Variants in IMPG1 observed in about 807,000 individuals in gnomAD.
IMPG1 encodes the protein interphotoreceptor matrix proteoglycan of 150 kDa.
IMPG1 carries 85 observed loss-of-function variants against 92.0 expected under a neutral mutation model. That is an observed-to-expected ratio of 0.92 (90% CI 0.78 to 1.11). The LOEUF (loss-of-function observed/expected upper bound fraction) is 1.11. Among genes scored for constraint, IMPG1 ranks in the 50% least tolerant of loss-of-function variants. The pLI is 0.00. For synonymous variants in IMPG1, 367 were observed against 334.1 expected, an observed-to-expected ratio of 1.10 and a Z score of -1.08; for missense variants, 1,022 against 956.0, an observed-to-expected ratio of 1.07 and a Z score of -0.91.
intron 9 of IMPG1, among the ~76,000 whole-genome samples, chr6:76,006,784 C>T (rs1783106631): frequency 6.6e-6 from 1 of 152,028 alleles, no homozygotes; most frequent in Non-Finnish European, 1.5e-5. Context: ...TTCATTAACT[C>T]AAAGCTTTTT....
intron 6 of IMPG1, among the ~76,000 whole-genome samples, chr6:76,019,250 G>A: frequency 6.6e-6 from 1 of 152,142 alleles, no homozygotes; most frequent in Middle Eastern, 3.2e-3. Context: ...ACCAGCAGGG[G>A]TTTCTCATTG....
intron 15 of IMPG1, among the ~76,000 whole-genome samples, chr6:75,930,740 C>A (rs1781651494): frequency 6.6e-6 from 1 of 152,188 alleles, no homozygotes; most frequent in African/African-American, 2.4e-5. Context: ...ATCAGCCCTA[C>A]CTGAGCCCCA....
chr6:75,934,131 A>T lies in IMPG1; in HGVS notation c.2045-2980T>A, dbSNP rs546169356. On this transcript the variant is annotated intron_variant, in intron 14 of 16. Transcript: ENST00000369950. ...TCTTCATTGCCATCCTCACTGGCAG[A>T]CATATCAGACTTCCATGAATGCTTT... is the stretch of plus-strand genomic sequence containing the variant. Among the ~76,000 whole-genome samples, 7 of 152,348 alleles carry T rather than the reference A, an allele frequency of 4.6e-5. No individual in the cohort carries two copies. The East Asian group carries it at 1.2e-3, about 25-fold the overall frequency.
At chr6:76,040,087 C>T (rs893022627) in intron 2 of IMPG1, among the ~76,000 whole-genome samples, 1 of 152,106 alleles carries the variant, frequency 6.6e-6, no homozygotes, top group Middle Eastern at 3.4e-3. Flanking sequence ...CCAATTTGTT[C>T]GACTTAAGAA....
At chr6:76,011,628 A>C (rs949471904) in intron 7 of IMPG1, among the ~76,000 whole-genome samples, 1 of 151,708 alleles carries the variant, frequency 6.6e-6, no homozygotes, top group East Asian at 1.9e-4. Flanking sequence ...GTACATGTGC[A>C]CATTGTGCAG....
At chr6:76,040,517 C>T (rs1783816985) in intron 2 of IMPG1, among the ~76,000 whole-genome samples, 1 of 152,074 alleles carries the variant, frequency 6.6e-6, no homozygotes, top group African/African-American at 2.4e-5. Flanking sequence ...CTCTATTTTC[C>T]CAATGGGCTC....
chr6:76,070,493 A>G (rs79656288), intron 1 of IMPG1, among the ~76,000 whole-genome samples: 1 of 152,202 alleles, frequency 6.6e-6, no homozygotes, highest in Non-Finnish European at 1.5e-5. Context: ...ATAAATCATT[A>G]TATCAGAAAG....
At chr6:75,975,479 A>T (rs1017668943) in intron 12 of IMPG1, among the ~76,000 whole-genome samples, 5 of 152,194 alleles carry the variant, frequency 3.3e-5, no homozygotes, top group African/African-American at 1.2e-4. Flanking sequence ...TTTGGCAGTT[A>T]TCTAATTTTA....
intron 12 of IMPG1, among the ~76,000 whole-genome samples, chr6:75,982,299 T>C (rs907588815): frequency 6.6e-6 from 1 of 152,004 alleles, no homozygotes; most frequent in African/African-American, 2.4e-5. Context: ...GTATTCCACT[T>C]TGGGAGGCCA....
intron 12 of IMPG1, among the ~76,000 whole-genome samples, chr6:75,963,319 A>G (rs187346925): frequency 1.3e-5 from 2 of 152,332 alleles, no homozygotes; most frequent in African/African-American, 2.4e-5. Context: ...ATGTCAGACA[A>G]AACAGCTGAG....
chr6:75,952,843 G>C (rs946291310), intron 12 of IMPG1, among the ~76,000 whole-genome samples: 1 of 152,180 alleles, frequency 6.6e-6, no homozygotes, highest in Non-Finnish European at 1.5e-5. Context: ...TCCAAACCAG[G>C]AGGAGAGCCC....
At chr6:76,011,618 G>A (rs917992119) in intron 7 of IMPG1, among the ~76,000 whole-genome samples, 13 of 151,190 alleles carry the variant, frequency 8.6e-5, no homozygotes, top group South Asian at 2.1e-4. Context: ...AAGTTTTAGG[G>A]TACATGTGCA....
At chr6:75,927,922 C>T (rs117809840) in intron 15 of IMPG1, among the ~76,000 whole-genome samples, 1,580 of 152,176 alleles carry the variant, frequency 0.01, 22 homozygotes, top group Non-Finnish European at 0.015. Context: ...AGTAGAGCAC[C>T]ACCAACCTTT....
chr6:76,048,593 A>C (rs1168863855), intron 1 of IMPG1, among the ~76,000 whole-genome samples: 1 of 151,716 alleles, frequency 6.6e-6, no homozygotes, highest in Non-Finnish European at 1.5e-5. Flanking sequence ...TCTTCCAGAA[A>C]CTCTTCTCTC....
At chr6:76,059,480 CTAT>C (rs2127597486) in intron 1 of IMPG1, among the ~76,000 whole-genome samples, 1 of 152,112 alleles carries the variant, frequency 6.6e-6, no homozygotes, top group South Asian at 2.1e-4. Context: ...ATCTGACCAG[CTAT>C]TCTGAGATCA....
chr6:75,939,083 C>A (rs1326536850), intron 14 of IMPG1, among the ~76,000 whole-genome samples: 1 of 152,206 alleles, frequency 6.6e-6, no homozygotes, highest in Non-Finnish European at 1.5e-5. Flanking sequence ...AAGCAATCCA[C>A]CTGCCTTAGC....
chr6:75,952,179 TA>T (rs1310795160), intron 12 of IMPG1, among the ~76,000 whole-genome samples: 1 of 152,164 alleles, frequency 6.6e-6, no homozygotes, highest in Non-Finnish European at 1.5e-5. Context: ...CCAATAAACC[TA>T]AATCCAGAGC....
chr6:76,029,162 G>T (rs553175674), intron 4 of IMPG1, among the ~76,000 whole-genome samples: 1 of 152,196 alleles, frequency 6.6e-6, no homozygotes, highest in Non-Finnish European at 1.5e-5. Context: ...GGTCAGTAAA[G>T]AATGTCACTT....
intron 1 of IMPG1, among the ~76,000 whole-genome samples, chr6:76,056,006 CTT>C (rs1174361583): frequency 3.3e-5 from 5 of 151,876 alleles, no homozygotes; most frequent in Non-Finnish European, 5.9e-5. Context: ...TCCTACGACT[CTT>C]ATAAAACTTG....
Sources: gnomAD v4.1 joint callset for allele counts (sites outside exome capture counted in the v4.1 genomes callset) on GRCh38, gnomAD v4.1.1 for gene constraint, MANE v1.5 for transcripts, NCBI Gene and HGNC (gene_info 2026-07-23, HGNC 2026-07-21) for gene names.